ELN: variants seen among roughly 807,000 people sequenced by gnomAD.
ELN encodes the protein tropoelastin.
A neutral mutation model predicts 105.8 loss-of-function variants in ELN; 65 were observed. The ratio of observed to expected loss-of-function variants is 0.61; its 90% confidence interval spans 0.50 to 0.75. The LOEUF (loss-of-function observed/expected upper bound fraction) is 0.75, where lower values mean the gene tolerates loss of function less well. Among genes scored for constraint, ELN ranks in the 30% least tolerant of loss-of-function variants. The pLI, the probability that ELN is intolerant of heterozygous loss-of-function variation, is 0.00. For missense variants in ELN, 882 were observed against 969.4 expected (o/e 0.91, Z 1.20); for synonymous variants, 368 against 389.2 (o/e 0.95, Z 0.64).
In ELN at chr7:74,057,688, C is replaced by T. The variant is rs575752690; in HGVS notation, c.1406C>T (p.Ala469Val). The change falls in exon 22 of 33, where the codon GCC (alanine) becomes GTC (valine). Residue 469 changes from alanine to valine, a missense_variant. By Grantham distance (64) the Ala-to-Val change is moderately conservative (BLOSUM62 0). Coordinates refer to ENST00000252034, the MANE Select transcript of ELN (RefSeq NM_000501.4). ...AAAAKAAAKA[A>V]QFGLVPGVGV... ...GCTGCTAAAGCAGCCGCCAAAGCCG[C>T]CCAGTTTGGTAAGTCCCCCTCACCC... The T allele has an allele frequency of 3.1e-6, 5 of 1,613,422 alleles. No individual in the cohort carries two copies. The highest frequency in any genetic ancestry group is 1.8e-4 in the Middle Eastern group (1 of 5,592).
At chr7:74,058,347 C>G (rs1268358260) in intron 22 of ELN, among the ~76,000 whole-genome samples, 1 of 150,258 alleles carries the variant, frequency 6.7e-6, no homozygotes, top group Non-Finnish European at 1.5e-5. Flanking sequence ...CCTCCTTCTT[C>G]TTTCTTCTCC....
At chr7:74,029,121 C>G (rs575764521) in intron 1 of ELN, among the ~76,000 whole-genome samples, 6 of 152,126 alleles carry the variant, frequency 3.9e-5, no homozygotes, top group African/African-American at 1.4e-4. Flanking sequence ...TAGACATGTA[C>G]ACATGTAGAC....
At chr7:74,055,943 C>A (rs565178292) in intron 19 of ELN, among the ~76,000 whole-genome samples, 1 of 151,762 alleles carries the variant, frequency 6.6e-6, no homozygotes, top group African/African-American at 2.4e-5. Context: ...CCCGCCACCA[C>A]GCCCGGCTAA....
rs1791519372 is a variant in ELN at position 74,042,711 on chromosome 7, G to C, written c.325+5G>C. 7.4e-6 allele frequency: 12 copies of C among 1,612,280 alleles called. No homozygotes were observed. Among genetic ancestry groups the C allele is most frequent in the African/African-American group, 1.3e-5 (1 of 74,940 alleles). On this transcript the variant is annotated splice_donor_5th_base_variant and intron_variant, in intron 6 of 32. Coordinates refer to ENST00000252034, the MANE Select transcript of ELN (RefSeq NM_000501.4). ...CCTATAAAGCTGCTAAGGCTGGTGA[G>C]TGGTGCTCTTTGGGACATGCCACAA...
intron 14 of ELN, 70 bp downstream of exon 14, chr7:74,048,271 G>T: frequency 6.2e-7 from 1 of 1,606,122 alleles, no homozygotes; most frequent in South Asian, 1.1e-5. Context: ...CCCTGGGGTG[G>T]GTGAGGTTCC....
In ELN at chr7:74,063,680, G is replaced by A; in HGVS notation, c.1978G>A (p.Val660Ile). The stretch of plus-strand genomic sequence containing the variant: ...AGTCGGAGGGCTTGGAGTTCCAGGT[G>A]TTGGGGGCCTTGGAGGTGAGAGTTG... ...LGVGGLGVPG[V>I]GGLGGIPPAA... The change falls in exon 29 of 33, where the codon GTT (valine) becomes ATT (isoleucine). Residue 660 changes from valine to isoleucine, a missense_variant. Coordinates refer to ENST00000252034, the MANE Select transcript of ELN (RefSeq NM_000501.4). This position sits in a 1 kb window ranked among gnomAD's most constrained non-coding sequence, Gnocchi z 4.1. The A allele has an allele frequency of 2.5e-6, 4 of 1,614,206 alleles. No individual in the cohort carries two copies. Among genetic ancestry groups the A allele is most frequent in the Non-Finnish European group, 3.4e-6 (4 of 1,180,032 alleles).
intron 13 of ELN, 62 bp from the exon 14 acceptor site, chr7:74,048,080 G>A: frequency 6.2e-7 from 1 of 1,600,272 alleles, no homozygotes; most frequent in South Asian, 1.1e-5. Context: ...AGAGCAGGGG[G>A]AGGGGGAGGG....
intron 22 of ELN, among the ~76,000 whole-genome samples, chr7:74,058,359 TCTC>T (rs1436604790): frequency 4.6e-5 from 7 of 151,270 alleles, no homozygotes; most frequent in African/African-American, 1.7e-4. Flanking sequence ...TTCTTCTCCT[TCTC>T]CTTTTTTCTT....
rs369045063 is a variant in ELN at position 74,045,228 on chromosome 7, G to T, written c.476G>T (p.Arg159Leu). The change falls in exon 10 of 33, where the codon CGG becomes CTG. Residue 159 changes from arginine to leucine, a missense_variant. Physicochemically the swap from Arg to Leu is moderately radical, Grantham distance 102. Coordinates refer to ENST00000252034, the MANE Select transcript of ELN (RefSeq NM_000501.4). ...VYPGGVLPGA[R>L]FPGVGVLPGV... ...CTGCTTTGTCCCCCGGCAGGAGCTC[G>T]GTTCCCCGGTGTGGGGGTGCTCCCT... The T allele has an allele frequency of 1.2e-6, 2 of 1,614,056 alleles. No homozygotes were observed. Among genetic ancestry groups the T allele is most frequent in the Non-Finnish European group, 8.5e-7 (1 of 1,180,026 alleles).
At position 74,068,809 on chromosome 7, in the gene ELN, A is replaced by T; in HGVS notation, c.*109A>T. On this transcript the variant is annotated 3_prime_UTR_variant, in exon 33 of 33. Transcript: ENST00000252034. ...CCATGCCCCTCCGACTCCCCACCCCAGGAGGGAACGGGCAGGCCGGGCGGC... is the reference window on the plus strand; with the variant it reads ...CCATGCCCCTCCGACTCCCCACCCCTGGAGGGAACGGGCAGGCCGGGCGGC... 1 of 1,407,542 alleles carries T rather than the reference A, an allele frequency of 7.1e-7. No homozygotes were observed. Among genetic ancestry groups the T allele is most frequent in the Admixed American group, 1.7e-5 (1 of 58,522 alleles). The allele number at this position is 1,407,542 out of a possible 1,614,324, so 87.2% of individuals were successfully genotyped here. A position where few individuals can be genotyped will look rare whatever the true frequency, so the allele number is the denominator to read the frequency against.
Position 74,068,822 on chromosome 7 carries a change from C to G in ELN, c.*122C>G. 1 of 1,305,936 alleles carries G rather than the reference C, an allele frequency of 7.7e-7. No individual in the cohort carries two copies. Among genetic ancestry groups the G allele is most frequent in the Non-Finnish European group, 1.1e-6 (1 of 908,902 alleles). 80.9% of individuals were successfully genotyped at this position (1,305,936 alleles called of 1,614,324 possible). A position where few individuals can be genotyped will look rare whatever the true frequency, so the allele number is the denominator to read the frequency against. ...ACTCCCCACCCCAGGAGGGAACGGG[C>G]AGGCCGGGCGGCCTTGCAGATCCAC... On this transcript the variant is annotated 3_prime_UTR_variant, in exon 33 of 33. Transcript: ENST00000252034.
At chr7:74,041,356 T>A in intron 5 of ELN, 105 bp downstream of exon 5, 1 of 1,460,986 alleles carries the variant, frequency 6.8e-7, no homozygotes, top group Non-Finnish European at 9.5e-7. Flanking sequence ...GCAGGCCAGG[T>A]TCCGTCCTGG....
rs1554676350 is a variant in ELN at position 74,051,933 on chromosome 7, C to T, written c.899C>T (p.Thr300Ile). Residue 300 changes from threonine (T) to isoleucine (I), a missense_variant, in exon 17 of 33, where the codon ACT becomes ATT. By Grantham distance (89) the Thr-to-Ile change is moderately conservative. Transcript: ENST00000252034. The stretch of plus-strand genomic sequence containing the variant: ...GTGGCTGTGTTTTCAGGCGTTGGGA[C>T]TCCAGCTGCAGCTGCAGCTGCAGCA... ...PGIGGIAGVG[T>I]PAAAAAAAAA... The T allele has an allele frequency of 1.2e-6, 2 of 1,613,798 alleles. No homozygotes were observed. The highest frequency in any genetic ancestry group is 1.7e-4 in the Middle Eastern group (1 of 6,026).
Position 74,042,644 on chromosome 7 carries a change from C to G in ELN, c.263C>G (p.Pro88Arg), listed in dbSNP as rs781997146. Residue 88 changes from proline to arginine, a missense_variant, in exon 6 of 33, where the codon CCG (proline) becomes CGG (arginine). Transcript: ENST00000252034. ...GGCGCCTTCCCCGCAGTTACCTTTC[C>G]GGGGGCTCTGGTGCCTGGTGGAGTG... Reference protein sequence around the residue: ...GLGAFPAVTFPGALVPGGVAD... With the variant: ...GLGAFPAVTFRGALVPGGVAD... 1 of 1,613,534 alleles carries G rather than the reference C, an allele frequency of 6.2e-7. No homozygotes were observed. Among genetic ancestry groups the G allele is most frequent in the Non-Finnish European group, 8.5e-7 (1 of 1,180,022 alleles).
chr7:74,043,049 C>T lies in ELN; in HGVS notation c.376+15C>T. On this transcript the variant is annotated intron_variant, in intron 7 of 32. Transcript: ENST00000252034. Reference sequence around the variant, plus strand: ...AGTGTCTGCAGGTACGATGGCTATCCCCGAACTCCCTGGGTCAAAGTTGCA... The same window carrying T: ...AGTGTCTGCAGGTACGATGGCTATCTCCGAACTCCCTGGGTCAAAGTTGCA... 6.2e-7 allele frequency: 1 copy of T among 1,614,116 alleles called. No homozygotes were observed.
intron 17 of ELN, chr7:74,052,836 G>GGAGA (rs1210543269): frequency 9.3e-6 from 3 of 322,962 alleles, no homozygotes; most frequent in African/African-American, 6.9e-5. Flanking sequence ...AGGGAGGGAG[G>GGAGA]GAGAGAGAGA....
intron 2 of ELN, among the ~76,000 whole-genome samples, chr7:74,036,266 C>T (rs541109958): frequency 6.6e-6 from 1 of 151,884 alleles, no homozygotes; most frequent in Admixed American, 6.6e-5. Flanking sequence ...TGCACTCCAG[C>T]CTGGGCGACA....
intron 1 of ELN, among the ~76,000 whole-genome samples, chr7:74,028,860 A>G (rs571001482): frequency 1.3e-5 from 2 of 151,678 alleles, no homozygotes; most frequent in East Asian, 3.9e-4. Context: ...CCTGGTATGC[A>G]TTTGTGTGTG....
rs111219299 is a variant in ELN at position 74,050,390 on chromosome 7, C to T, written c.800-1360C>T. On this transcript the variant is annotated intron_variant, in intron 15 of 32. Transcript: ENST00000252034. Reference sequence around the variant, plus strand: ...CCATCCATTTACCCATCCATCCACTCGTCCATCCATCCATCCATCCATCCA... The same window carrying T: ...CCATCCATTTACCCATCCATCCACTTGTCCATCCATCCATCCATCCATCCA... Among the ~76,000 whole-genome samples the T allele has an allele frequency of 2.4e-3, 359 of 149,416 alleles. 2 individuals carry two copies. Among genetic ancestry groups the T allele is most frequent in the Middle Eastern group, 3.5e-3 (1 of 284 alleles).
Sources: gnomAD v4.1 joint callset for allele counts (sites outside exome capture counted in the v4.1 genomes callset) on GRCh38, gnomAD v4.1.1 for gene constraint, Gnocchi (gnomAD v3.1) non-coding constraint, MANE v1.5 for transcripts, NCBI Gene and HGNC (gene_info 2026-07-23, HGNC 2026-07-21) for gene names.